HS6ST2: variants seen among roughly 807,000 people sequenced by gnomAD.
HS6ST2 encodes the protein heparan sulfate 6-O-sulfotransferase 2.
In HS6ST2, 17 loss-of-function variants were observed where a neutral mutation model predicts 33.0. The ratio of observed to expected loss-of-function variants is 0.52; its 90% CI spans 0.35 to 0.77. HS6ST2 has a LOEUF of 0.77. Ranked by LOEUF, HS6ST2 falls within the 30% of genes least tolerant of loss-of-function variation. HS6ST2 has a pLI of 0.01. For synonymous variants in HS6ST2, 248 were observed against 237.1 expected (o/e 1.05, Z -0.42); for missense variants, 519 against 551.7 (o/e 0.94, Z 0.59).
At chrX:132,884,496 C>T (rs1411909899) in intron 2 of HS6ST2, among the ~76,000 whole-genome samples, 1 of 111,311 alleles carries the variant, frequency 9.0e-6, no homozygotes, top group Non-Finnish European at 1.9e-5. Context: ...TAACAAATTA[C>T]AACTAAAACA....
intron 3 of HS6ST2, among the ~76,000 whole-genome samples, chrX:132,707,457 T>A (rs1471405558): frequency 8.9e-6 from 1 of 112,299 alleles, no homozygotes; most frequent in Non-Finnish European, 1.9e-5. Flanking sequence ...CTAATGGGAG[T>A]ATGGAAGCCC....
chrX:132,924,182 T>C (rs958741686), intron 2 of HS6ST2, among the ~76,000 whole-genome samples: 2 of 111,867 alleles, frequency 1.8e-5, no homozygotes, highest in African/African-American at 6.5e-5. Context: ...CCAGGAATAT[T>C]TATGGGACAC....
At chrX:132,915,878 G>A (rs963107254) in intron 2 of HS6ST2, among the ~76,000 whole-genome samples, 2 of 92,712 alleles carry the variant, frequency 2.2e-5, no homozygotes, top group Non-Finnish European at 4.2e-5. Context: ...ACAGGTGTGT[G>A]CCACCACGCC....
At chrX:132,866,382 C>T (rs1278130601) in intron 2 of HS6ST2, among the ~76,000 whole-genome samples, 3 of 97,569 alleles carry the variant, frequency 3.1e-5, no homozygotes, top group Non-Finnish European at 6.2e-5. Flanking sequence ...GTTACTGTAG[C>T]CTTGTAGTAT....
At chrX:132,939,494 G>C (rs538873052) in intron 2 of HS6ST2, among the ~76,000 whole-genome samples, 1 of 110,143 alleles carries the variant, frequency 9.1e-6, no homozygotes, top group Non-Finnish European at 1.9e-5. Context: ...GCATGGTGGC[G>C]TGCACCTGTA....
chrX:132,957,431 C>T (rs1014248264), intron 1 of HS6ST2, 105 bp from the exon 2 acceptor site: 1 of 887,571 alleles, frequency 1.1e-6, no homozygotes, highest in African/African-American at 2.1e-5. Flanking sequence ...GCCCCTCTCC[C>T]CCTCCCCTCC....
chrX:132,856,807 T>C (rs1602754716), intron 2 of HS6ST2, among the ~76,000 whole-genome samples: 1 of 111,868 alleles, frequency 8.9e-6, no homozygotes, highest in Non-Finnish European at 1.9e-5. Context: ...ACCAAATTGT[T>C]TGGAAATGAA....
rs769379003 is a variant in HS6ST2, at chrX:132,863,101, C to G, written c.947+93707G>C. 2.7e-5 allele frequency among the ~76,000 whole-genome samples: 3 copies of G among 111,754 alleles called. No individual in the cohort carries two copies. In the East Asian group the frequency reaches 8.5e-4, roughly 32 times the overall value. ...CCTCTCCTGGAAAAGAGGTGGTTTTCTCAGAGACAATATGCATGGAAGTAT... is the reference window on the plus strand; with the variant it reads ...CCTCTCCTGGAAAAGAGGTGGTTTTGTCAGAGACAATATGCATGGAAGTAT... On this transcript the variant is annotated intron_variant, in intron 2 of 4. Coordinates refer to ENST00000370833, the MANE Select transcript of HS6ST2 (RefSeq NM_001394073.1).
intron 2 of HS6ST2, among the ~76,000 whole-genome samples, chrX:132,882,596 T>C (rs2066190110): frequency 9.4e-6 from 1 of 106,543 alleles, no homozygotes; most frequent in South Asian, 4.2e-4. Context: ...CTTCCTCTTT[T>C]CCTAATTGAA....
intron 2 of HS6ST2, among the ~76,000 whole-genome samples, chrX:132,916,193 C>T (rs1203120898): frequency 1.3e-4 from 14 of 111,325 alleles, no homozygotes; most frequent in Admixed American, 1.1e-3. Context: ...GAGTTCTAGC[C>T]CCAGCCCTGC....
At chrX:132,741,283 G>A (rs1415707177) in intron 2 of HS6ST2, among the ~76,000 whole-genome samples, 3 of 109,318 alleles carry the variant, frequency 2.7e-5, no homozygotes, top group South Asian at 3.9e-4. Context: ...GAAACAGCAC[G>A]GGTTTTGTTT....
intron 2 of HS6ST2, among the ~76,000 whole-genome samples, chrX:132,947,377 C>A (rs2066968404): frequency 9.1e-6 from 1 of 110,011 alleles, no homozygotes; most frequent in African/African-American, 3.3e-5. Context: ...CTATCAATTT[C>A]TGAAAAAAAA....
intron 2 of HS6ST2, among the ~76,000 whole-genome samples, chrX:132,781,415 T>C (rs773962953): frequency 4.8e-4 from 53 of 110,349 alleles, no homozygotes; most frequent in Non-Finnish European, 8.3e-4. Context: ...CAGGCCGAGA[T>C]GGTGAGGGGA....
chrX:132,926,393 G>A (rs753370044), intron 2 of HS6ST2, among the ~76,000 whole-genome samples: 3 of 111,498 alleles, frequency 2.7e-5, no homozygotes, highest in African/African-American at 9.8e-5. Flanking sequence ...GCTGGGCTGA[G>A]GTAAGTAGGG....
At chrX:132,957,379 T>C in intron 1 of HS6ST2, 53 bp from the exon 2 acceptor site, 1 of 1,106,087 alleles carries the variant, frequency 9.0e-7, no homozygotes, top group South Asian at 2.3e-5. Flanking sequence ...CCCGCGCTCG[T>C]CGTGCCCCCG....
intron 3 of HS6ST2, among the ~76,000 whole-genome samples, chrX:132,671,845 T>C (rs2063883117): frequency 8.9e-6 from 1 of 111,806 alleles, no homozygotes; most frequent in Non-Finnish European, 1.9e-5. Flanking sequence ...AAATAACAGA[T>C]CCATTAACAG....
intron 3 of HS6ST2, among the ~76,000 whole-genome samples, chrX:132,676,009 T>C (rs1240271791): frequency 9.0e-6 from 1 of 111,065 alleles, no homozygotes; most frequent in African/African-American, 3.3e-5. Flanking sequence ...TGGAGTTTAG[T>C]GTATTAGGCC....
chrX:132,891,096 A>C (rs1194189558), intron 2 of HS6ST2, among the ~76,000 whole-genome samples: 1 of 78,793 alleles, frequency 1.3e-5, no homozygotes, highest in Non-Finnish European at 2.4e-5. Flanking sequence ...AAGTCCAAGG[A>C]GAATGTGATG....
intron 3 of HS6ST2, among the ~76,000 whole-genome samples, chrX:132,672,082 C>G (rs2063885954): frequency 9.0e-6 from 1 of 111,667 alleles, no homozygotes; most frequent in African/African-American, 3.3e-5. Flanking sequence ...GCAGTGATAT[C>G]AAGGACACTG....
Sources: allele counts gnomAD v4.1 joint callset (sites outside exome capture counted in the v4.1 genomes callset), GRCh38; gene constraint gnomAD v4.1.1; transcripts MANE v1.5; gene names NCBI Gene and HGNC (gene_info 2026-07-23, HGNC 2026-07-21).